Variants in PFKFB1 observed in about 807,000 individuals in gnomAD.
The protein encoded by PFKFB1 is 6-phosphofructo-2-kinase/fructose-2,6-biphosphatase 1, also known as 6-phosphofructo-2-kinase/fructose-2,6-bisphosphatase 1.
PFKFB1 carries 34 observed loss-of-function variants against 46.4 expected under a neutral mutation model. The ratio of observed to expected loss-of-function variants is 0.73; its 90% confidence interval spans 0.56 to 0.98. PFKFB1 has a LOEUF of 0.98. PFKFB1 is among the 50% of genes least tolerant of loss of function. PFKFB1 has a pLI of 0.00. For synonymous variants in PFKFB1, 119 were observed against 133.8 expected, an observed-to-expected ratio of 0.89 and a Z score of 0.76; for missense variants, 393 against 376.3, an observed-to-expected ratio of 1.04 and a Z score of -0.37.
intron 1 of PFKFB1, among the ~76,000 whole-genome samples, chrX:54,967,318 C>G (rs933604555): frequency 1.2e-4 from 13 of 111,882 alleles, no homozygotes; most frequent in Non-Finnish European, 2.3e-4. Flanking sequence ...TGAACAATAA[C>G]AAGCGATTTT....
chrX:54,983,092 C>G (rs766493903), intron 1 of PFKFB1, among the ~76,000 whole-genome samples: 1 of 111,532 alleles, frequency 9.0e-6, no homozygotes, highest in Non-Finnish European at 1.9e-5. Flanking sequence ...TATTTGATTG[C>G]TTAAAGTAGA....
intron 7 of PFKFB1, among the ~76,000 whole-genome samples, chrX:54,952,928 C>T (rs1000308367): frequency 9.0e-6 from 1 of 110,582 alleles, no homozygotes; most frequent in Non-Finnish European, 1.9e-5. Flanking sequence ...TATTGGGGAA[C>T]TTGTGGTCCT....
At chrX:54,960,183 C>T (rs758227732) in intron 3 of PFKFB1, among the ~76,000 whole-genome samples, 2 of 112,577 alleles carry the variant, frequency 1.8e-5, no homozygotes, top group South Asian at 3.6e-4. Flanking sequence ...AGGGCTCCAA[C>T]CCTTGAGCTA....
chrX:54,970,473 C>T (rs1705921499), intron 1 of PFKFB1, among the ~76,000 whole-genome samples: 1 of 84,046 alleles, frequency 1.2e-5, no homozygotes, highest in African/African-American at 4.4e-5. Flanking sequence ...TCTCCTAATG[C>T]TATCCCTCCC....
chrX:54,975,902 A>C (rs1428401177), intron 1 of PFKFB1, among the ~76,000 whole-genome samples: 1 of 111,614 alleles, frequency 9.0e-6, no homozygotes, highest in East Asian at 2.8e-4. Flanking sequence ...CACTGCAAAA[A>C]ATGAACTTGA....
At chrX:54,977,612 G>A (rs1025522022) in intron 1 of PFKFB1, among the ~76,000 whole-genome samples, 4 of 110,640 alleles carry the variant, frequency 3.6e-5, no homozygotes, top group South Asian at 3.8e-4. Flanking sequence ...AAATACAGAC[G>A]GGTTAGCATG....
At position 54,937,629 on chromosome X, in the gene PFKFB1, C is replaced by T; in HGVS notation, c.1194G>A (p.Arg398=). 1 of 1,209,011 alleles carries T rather than the reference C, an allele frequency of 8.3e-7. No homozygotes were observed. Among genetic ancestry groups the T allele is most frequent in the Non-Finnish European group, 1.1e-6 (1 of 892,924 alleles). Residue 398 remains arginine (R), a synonymous_variant, in exon 11 of 14, where the codon CGG becomes CGA. Coordinates refer to ENST00000375006, the MANE Select transcript of PFKFB1 (RefSeq NM_002625.4). ...TATCCAGGAAATAGGCCAGGAGGCA[C>T]CGCATGACAGCCTGGTGGCAGATCA... ...VLVICHQAVM[R]CLLAYFLDKS...
Position 54,971,477 on chromosome X carries a change from T to C in PFKFB1, c.98-8095A>G, listed in dbSNP as rs1177023634. ...AGGGTTTTTATGGTTTTAGGTCTAA[T>C]GTTTAAGTCTTTCATCCATCTTGAA... On this transcript the variant is annotated intron_variant, in intron 1 of 13. Transcript: ENST00000375006. Among the ~76,000 whole-genome samples the C allele has an allele frequency of 2.6e-4, 29 of 111,462 alleles. 1 individual carries two copies. Among genetic ancestry groups the C allele is most frequent in the African/African-American group, 8.8e-4 (27 of 30,666 alleles).
intron 1 of PFKFB1, among the ~76,000 whole-genome samples, chrX:54,969,578 A>T: frequency 8.9e-6 from 1 of 112,530 alleles, no homozygotes; most frequent in Non-Finnish European, 1.9e-5. Flanking sequence ...AAAACTTTTT[A>T]CAAAATACAA....
chrX:54,956,175 G>T lies in PFKFB1; in HGVS notation c.616C>A (p.Pro206Thr). The change falls in exon 7 of 14, where the codon CCC becomes ACC. Residue 206 changes from proline to threonine, a missense_variant. Transcript: ENST00000375006. ...RIECYEVNYQ[P>T]LDEELDSHLS... ...TACCTGTCCAGTTCCTCATCCAAGG[G>T]TTGGTAGTTGACCTCATAGCACTCA... 1.7e-6 allele frequency: 2 copies of T among 1,206,699 alleles called. No individual in the cohort carries two copies. Among genetic ancestry groups the T allele is most frequent in the Non-Finnish European group, 1.1e-6 (1 of 890,880 alleles).
chrX:54,974,672 CAG>C (rs775827483), intron 1 of PFKFB1, among the ~76,000 whole-genome samples: 39 of 111,976 alleles, frequency 3.5e-4, no homozygotes, highest in African/African-American at 1.2e-3. Context: ...AGACAACCAA[CAG>C]AGTGGGAGAA....
chrX:54,945,670 G>T (rs987321210), intron 9 of PFKFB1, 127 bp from the exon 10 acceptor site: 2 of 463,892 alleles, frequency 4.3e-6, no homozygotes, highest in South Asian at 6.7e-5. Flanking sequence ...CACAGCTCTG[G>T]GTTTGTGCCT....
At chrX:54,941,898 T>C (rs764291312) in intron 10 of PFKFB1, among the ~76,000 whole-genome samples, 9 of 112,130 alleles carry the variant, frequency 8.0e-5, no homozygotes, top group Non-Finnish European at 1.5e-4. Flanking sequence ...ACTGGGTATA[T>C]ACCCAAAGGA....
At chrX:54,991,843 G>A (rs752816639) in intron 1 of PFKFB1, among the ~76,000 whole-genome samples, 57 of 111,582 alleles carry the variant, frequency 5.1e-4, no homozygotes, top group African/African-American at 1.8e-3. Flanking sequence ...TGGGTGGTTC[G>A]CATAAACATA....
chrX:54,946,233 A>T (rs979197876), intron 9 of PFKFB1, among the ~76,000 whole-genome samples: 1 of 111,467 alleles, frequency 9.0e-6, no homozygotes, highest in African/African-American at 3.3e-5. Flanking sequence ...TAGACATCTC[A>T]GACAGGAAAA....
chrX:54,934,909 C>G, intron 12 of PFKFB1, 38 bp downstream of exon 12: 9 of 1,108,079 alleles, frequency 8.1e-6, no homozygotes, highest in Non-Finnish European at 1.1e-5. Context: ...CTCATAGCCT[C>G]TATATGCCTG....
At chrX:54,994,259 A>G (rs1935321140), upstream of PFKFB1, 7 of 751,777 alleles carry the variant, frequency 9.3e-6, no homozygotes, top group Non-Finnish European at 1.1e-5. Flanking sequence ...GGTTGGGCAG[A>G]GGTCAGGAGA....
intron 10 of PFKFB1, among the ~76,000 whole-genome samples, chrX:54,942,006 A>ATGAT (rs1266091911): frequency 8.9e-6 from 1 of 112,289 alleles, no homozygotes; most frequent in Non-Finnish European, 1.9e-5. Context: ...ATGTCCAACA[A>ATGAT]TGATAGACTG....
chrX:54,989,689 G>A (rs1411561546), intron 1 of PFKFB1, among the ~76,000 whole-genome samples: 1 of 112,178 alleles, frequency 8.9e-6, no homozygotes, highest in Admixed American at 9.4e-5. Context: ...AGTCTCAACA[G>A]ATTTCAAAGA....
Sources: allele counts gnomAD v4.1 joint callset (sites outside exome capture counted in the v4.1 genomes callset), GRCh38; gene constraint gnomAD v4.1.1; transcripts MANE v1.5; gene names NCBI Gene and HGNC (gene_info 2026-07-23, HGNC 2026-07-21).